The following RASGRF1 variants were observed in gnomAD, a reference collection of about 807,000 sequenced individuals.
The protein encoded by RASGRF1 is Ras protein specific guanine nucleotide releasing factor 1.
A neutral mutation model predicts 138.7 loss-of-function variants in RASGRF1; 40 were observed. The ratio of observed to expected loss-of-function variants is 0.29; its 90% CI spans 0.22 to 0.38. The LOEUF is 0.38. Among genes scored for constraint, RASGRF1 ranks in the 10% least tolerant of loss-of-function variants. The pLI, the probability that RASGRF1 is intolerant of heterozygous loss-of-function variation, is 1.00. For missense variants in RASGRF1, 1,108 were observed against 1,650.4 expected, an observed-to-expected ratio of 0.67 and a Z score of 5.69; for synonymous variants, 614 against 663.2, an observed-to-expected ratio of 0.93 and a Z score of 1.14.
chr15:79,010,738 C>T (rs1322224313), intron 13 of RASGRF1, among the ~76,000 whole-genome samples: 1 of 152,198 alleles, frequency 6.6e-6, no homozygotes, highest in Non-Finnish European at 1.5e-5. Flanking sequence ...AGAGTGCCCC[C>T]ACCTTGAGTC....
intron 1 of RASGRF1, among the ~76,000 whole-genome samples, chr15:79,070,976 G>A (rs757131796): frequency 6.6e-5 from 10 of 152,174 alleles, no homozygotes; most frequent in Non-Finnish European, 1.3e-4. Flanking sequence ...TCAAGGCTCA[G>A]GGCAACCCTC....
At chr15:79,003,146 T>C (rs1028496403) in intron 15 of RASGRF1, among the ~76,000 whole-genome samples, 2 of 152,224 alleles carry the variant, frequency 1.3e-5, no homozygotes, top group African/African-American at 4.8e-5. Context: ...CGTCCAGCTG[T>C]CCCCGAAACA....
intron 12 of RASGRF1, among the ~76,000 whole-genome samples, chr15:79,016,563 T>C (rs2056881629): frequency 6.6e-6 from 1 of 152,188 alleles, no homozygotes; most frequent in African/African-American, 2.4e-5. Flanking sequence ...GGGCACCCTC[T>C]GGGCAAGCAG....
rs566204707 is a variant in RASGRF1, at chr15:79,017,696, G to A, written c.1743+74C>T. The A allele has an allele frequency of 3.7e-3, 5,312 of 1,455,068 alleles. 14 individuals are homozygous for A. The highest frequency in any genetic ancestry group is 4.2e-3 in the Non-Finnish European group (4,519 of 1,083,496). The allele number at this position is 1,455,068 out of a possible 1,614,324, so 90.1% of individuals were successfully genotyped here. ...ACTCCACCACCCCCACCCCCTACCT[G>A]CCACCAGCCAAATCCCTGACCTGGT... On this transcript the variant is annotated intron_variant, in intron 12 of 26. Transcript: ENST00000558480.
intron 8 of RASGRF1, among the ~76,000 whole-genome samples, chr15:79,028,903 C>G (rs1446570556): frequency 6.6e-6 from 1 of 152,236 alleles, no homozygotes. Flanking sequence ...ACTGAATCAG[C>G]ATGACATTGA....
intron 10 of RASGRF1, among the ~76,000 whole-genome samples, chr15:79,023,006 C>G (rs954622224): frequency 6.6e-6 from 1 of 152,152 alleles, no homozygotes; most frequent in South Asian, 2.1e-4. Context: ...AACCCCATCT[C>G]TACTAAAAAT....
chr15:78,973,849 G>T lies in RASGRF1; in HGVS notation c.3495-429C>A, dbSNP rs1163426008. ...CCTCCTGGAGGGCTCTGCAGCCCCA[G>T]CCCCCCAACTCCTGCCAGTCACCCT... On this transcript the variant is annotated intron_variant, in intron 24 of 26. Transcript: ENST00000558480. This position sits in a 1 kb window ranked among gnomAD's most constrained non-coding sequence, Gnocchi z 4.9. 6.6e-6 allele frequency among the ~76,000 whole-genome samples: 1 copy of T among 152,026 alleles called. No homozygotes were observed. The highest frequency in any genetic ancestry group is 1.5e-5 in the Non-Finnish European group (1 of 68,000).
intron 24 of RASGRF1, chr15:78,978,667 C>T (rs2055938055): frequency 9.8e-6 from 10 of 1,016,660 alleles, no homozygotes; most frequent in East Asian, 9.2e-5. Context: ...CCTCGCTACT[C>T]TTGCCCCCGT....
chr15:79,085,199 C>A (rs886355844), intron 1 of RASGRF1, among the ~76,000 whole-genome samples: 1 of 152,206 alleles, frequency 6.6e-6, no homozygotes, highest in Non-Finnish European at 1.5e-5. Context: ...TAGGCTAAGA[C>A]CTGCAGGAGA....
At chr15:79,081,694 GTC>G (rs1251504603) in intron 1 of RASGRF1, among the ~76,000 whole-genome samples, 4 of 152,150 alleles carry the variant, frequency 2.6e-5, no homozygotes, top group Non-Finnish European at 5.9e-5. Context: ...CATTGTCACT[GTC>G]TGTTCACAGG....
chr15:79,074,165 C>T (rs2057799627), intron 1 of RASGRF1, among the ~76,000 whole-genome samples: 2 of 151,638 alleles, frequency 1.3e-5, no homozygotes, highest in South Asian at 4.2e-4. Flanking sequence ...GATCTCCAGG[C>T]ACTAGCTGCC....
rs966391291 is a variant in RASGRF1 at position 78,973,559 on chromosome 15, G to C, written c.3495-139C>G. 9 of 639,396 alleles carry C rather than the reference G, an allele frequency of 1.4e-5. No individual in the cohort carries two copies. Among genetic ancestry groups the C allele is most frequent in the Non-Finnish European group, 2.4e-5 (9 of 368,286 alleles). The allele number at this position is 639,396 out of a possible 1,614,324, so 39.6% of individuals were successfully genotyped here. The stretch of plus-strand genomic sequence containing the variant: ...TCACCAAGAATCACACTACACTCTA[G>C]AACTGACTATTCTACACGCCCAGGA... On this transcript the variant is annotated intron_variant, in intron 24 of 26. Transcript: ENST00000558480. The surrounding 1 kb of genome is among the most constrained non-coding windows in gnomAD (Gnocchi z 4.9).
intron 3 of RASGRF1, among the ~76,000 whole-genome samples, chr15:79,057,522 G>T (rs964135333): frequency 6.6e-6 from 1 of 152,242 alleles, no homozygotes; most frequent in African/African-American, 2.4e-5. Context: ...TGTGGTCCTT[G>T]TATGATATGG....
chr15:79,049,162 G>A (rs1398175454), intron 4 of RASGRF1, among the ~76,000 whole-genome samples: 1 of 152,132 alleles, frequency 6.6e-6, no homozygotes, highest in Non-Finnish European at 1.5e-5. Flanking sequence ...GGGGGTCTTG[G>A]CAAGGTGAAT....
chr15:79,080,093 C>T (rs1332384344), intron 1 of RASGRF1, among the ~76,000 whole-genome samples: 4 of 151,912 alleles, frequency 2.6e-5, no homozygotes, highest in Non-Finnish European at 5.9e-5. Flanking sequence ...GTACTCTTGC[C>T]TGAGCAACTG....
intron 1 of RASGRF1, among the ~76,000 whole-genome samples, chr15:79,089,438 A>G (rs1242275188): frequency 6.6e-6 from 1 of 152,080 alleles, no homozygotes; most frequent in Admixed American, 6.5e-5. Flanking sequence ...CTGGCTCTTC[A>G]GCCTTGCAGC....
chr15:79,033,593 T>TC, intron 6 of RASGRF1, among the ~76,000 whole-genome samples: 1 of 140,634 alleles, frequency 7.1e-6, no homozygotes, highest in East Asian at 2.1e-4. Flanking sequence ...TTTTTTTTTT[T>TC]TTTTTTTTTG....
chr15:78,973,330 G>A lies in RASGRF1; in HGVS notation c.3585C>T (p.Gly1195=), dbSNP rs770159280. Residue 1195 remains glycine, a synonymous_variant, in exon 25 of 27, where the codon GGC becomes GGT. Coordinates refer to ENST00000558480, the MANE Select transcript of RASGRF1 (RefSeq NM_001145648.3). This position sits in a 1 kb window ranked among gnomAD's most constrained non-coding sequence, Gnocchi z 4.9. ...EEGTPNYTED[G]LVNFSKMRMI... ...TCCTCATCTTGGAGAAGTTGACCAGGCCGTCTTCCGTGTAATTGGGCGTCC... is the reference window on the plus strand; with the variant it reads ...TCCTCATCTTGGAGAAGTTGACCAGACCGTCTTCCGTGTAATTGGGCGTCC... 6.2e-7 allele frequency: 1 copy of A among 1,613,212 alleles called. No individual in the cohort carries two copies. The highest frequency in any genetic ancestry group is 1.1e-5 in the South Asian group (1 of 91,028).
At chr15:79,074,609 G>A (rs1245641430) in intron 1 of RASGRF1, among the ~76,000 whole-genome samples, 1 of 152,176 alleles carries the variant, frequency 6.6e-6, no homozygotes, top group Admixed American at 6.5e-5. Context: ...TAGCCTGCAT[G>A]GGCCAACTCA....
Sources: allele counts gnomAD v4.1 joint callset (sites outside exome capture counted in the v4.1 genomes callset), GRCh38; gene constraint gnomAD v4.1.1; non-coding constraint Gnocchi (gnomAD v3.1); transcripts MANE v1.5; gene names NCBI Gene and HGNC (gene_info 2026-07-23, HGNC 2026-07-21).